The following ROBO3 variants were observed in gnomAD, a reference collection of about 807,000 sequenced individuals.
ROBO3 encodes roundabout guidance receptor 3.
ROBO3 carries 97 observed loss-of-function variants against 160.5 expected under a neutral mutation model. The observed-to-expected ratio is 0.60, with a 90% CI of 0.51 to 0.72. ROBO3 has a LOEUF of 0.72. ROBO3 is among the 30% of genes least tolerant of loss of function. The pLI, the probability that ROBO3 is intolerant of heterozygous loss-of-function variation, is 0.00. For synonymous variants in ROBO3, 780 were observed against 746.2 expected, an observed-to-expected ratio of 1.05 and a Z score of -0.74; for missense variants, 1,858 against 1,846.5, an observed-to-expected ratio of 1.01 and a Z score of -0.11.
chr11:124,878,367 C>T lies in ROBO3; in HGVS notation c.3251C>T (p.Ala1084Val), dbSNP rs779764331. The stretch of plus-strand genomic sequence containing the variant: ...ATGCCCTCTCTGAACTGGCCAGAAG[C>T]CCTGCCCCCACCTCCTCCTTCTTGT... ...VQMPSLNWPE[A>V]LPPPPPSCEL... The change falls in exon 22 of 28, where the codon GCC (alanine) becomes GTC (valine). Residue 1084 changes from alanine (A) to valine (V), a missense_variant. Coordinates refer to ENST00000397801, the MANE Select transcript of ROBO3 (RefSeq NM_022370.4). The surrounding 1 kb of genome is among the most constrained non-coding windows in gnomAD (Gnocchi z 4.3). 2 of 1,613,954 alleles carry T rather than the reference C, an allele frequency of 1.2e-6. No homozygotes were observed. The highest frequency in any genetic ancestry group is 3.3e-5 in the Admixed American group (2 of 60,028).
At chr11:124,874,317 G>A (rs535985494) in intron 12 of ROBO3, 81 bp downstream of exon 12, 29 of 1,315,604 alleles carry the variant, frequency 2.2e-5, no homozygotes, top group East Asian at 9.7e-5. Flanking sequence ...ATGACACCAC[G>A]GCAGTTCATA....
In ROBO3 at chr11:124,879,326, G is replaced by C; in HGVS notation, c.3670G>C (p.Ala1224Pro). 6.2e-7 allele frequency: 1 copy of C among 1,608,984 alleles called. No homozygotes were observed. The highest frequency in any genetic ancestry group is 8.5e-7 in the Non-Finnish European group (1 of 1,177,122). The change falls in exon 24 of 28, where the codon GCC becomes CCC. Residue 1224 changes from alanine (A) to proline (P), a missense_variant. Physicochemically the swap from Ala to Pro is conservative, Grantham distance 27. Coordinates refer to ENST00000397801, the MANE Select transcript of ROBO3 (RefSeq NM_022370.4). The part of the protein sequence containing the change: ...HLSPSPAPST[A>P]SSAPGRTWQG... ...CAGCCCCAGTCCTGCCCCTAGCACA[G>C]CCAGCAGTGCCCCAGGTAAGTCTCT...
chr11:124,870,578 G>A, intron 5 of ROBO3, 23 bp from the exon 6 acceptor site: 1 of 1,613,614 alleles, frequency 6.2e-7, no homozygotes, highest in Non-Finnish European at 8.5e-7. Flanking sequence ...GGCCAACCCA[G>A]CCTGGGGTGG....
chr11:124,865,587 T>C lies in ROBO3; in HGVS notation c.10T>C (p.Tyr4His), dbSNP rs1364107654. 1 of 1,611,916 alleles carries C rather than the reference T, an allele frequency of 6.2e-7. No individual in the cohort carries two copies. The highest frequency in any genetic ancestry group is 2.2e-5 in the East Asian group (1 of 44,842). The stretch of plus-strand genomic sequence containing the variant: ...CCAGCTGGGTCGAGCCATGCTGCGC[T>C]ACCTGCTGAAAACGCTGCTGCAGAT... MLR[Y>H]LLKTLLQMNL... The change falls in exon 1 of 28, where the codon TAC becomes CAC. Residue 4 changes from tyrosine (Y) to histidine (H), a missense_variant. By Grantham distance (83) the Tyr-to-His change is moderately conservative (BLOSUM62 2). Coordinates refer to ENST00000397801, the MANE Select transcript of ROBO3 (RefSeq NM_022370.4). This position sits in a 1 kb window ranked among gnomAD's most constrained non-coding sequence, Gnocchi z 5.5.
intron 14 of ROBO3, 59 bp downstream of exon 14, chr11:124,875,395 G>A (rs754741235): frequency 1.5e-5 from 21 of 1,435,746 alleles, no homozygotes; most frequent in Non-Finnish European, 2.0e-5. Flanking sequence ...GGGGGTGGAG[G>A]TGGAGGGGGG....
chr11:124,876,322 G>A lies in ROBO3; in HGVS notation c.2641G>A (p.Ala881Thr). Reference protein sequence around the residue: ...EPGLEVGAGLAVRLARVLREP... With the variant: ...EPGLEVGAGLTVRLARVLREP... ...CGGGCTGGAGGTGGGCGCGGGGCTG[G>A]CGGTGCGGCTGGCGAGGGTGCTGCG... is the stretch of plus-strand genomic sequence containing the variant. Residue 881 changes from alanine to threonine, a missense_variant, in exon 17 of 28, where the codon GCG (alanine) becomes ACG (threonine). Transcript: ENST00000397801. The surrounding 1 kb of genome is among the most constrained non-coding windows in gnomAD (Gnocchi z 5.3). 6.9e-7 allele frequency: 1 copy of A among 1,444,650 alleles called. No homozygotes were observed. The highest frequency in any genetic ancestry group is 1.5e-5 in the South Asian group (1 of 67,368). 89.5% of individuals were successfully genotyped at this position (1,444,650 alleles called of 1,614,324 possible). A position where few individuals can be genotyped will look rare whatever the true frequency, so the allele number is the denominator to read the frequency against.
In ROBO3 at chr11:124,872,816, G is replaced by T; in HGVS notation, c.1331-68G>T. 1 of 1,324,518 alleles carries T rather than the reference G, an allele frequency of 7.5e-7. No individual in the cohort carries two copies. 82.0% of individuals were successfully genotyped at this position (1,324,518 alleles called of 1,614,324 possible). A position where few individuals can be genotyped will look rare whatever the true frequency, so the allele number is the denominator to read the frequency against. ...TAGGGAGGGTGAAGGAGCAGAGAAT[G>T]AGGACAAGGGGCTGCCCGCGGGGCC... is the stretch of plus-strand genomic sequence containing the variant. On this transcript the variant is annotated intron_variant, in intron 8 of 27. Coordinates refer to ENST00000397801, the MANE Select transcript of ROBO3 (RefSeq NM_022370.4). The surrounding 1 kb of genome is among the most constrained non-coding windows in gnomAD (Gnocchi z 4.3).
At position 124,879,471 on chromosome 11, in the gene ROBO3, C is replaced by A. The variant is rs755651724; in HGVS notation, c.3692C>A (p.Thr1231Asn). The A allele has an allele frequency of 6.2e-7, 1 of 1,613,748 alleles. No homozygotes were observed. Among genetic ancestry groups the A allele is most frequent in the South Asian group, 1.1e-5 (1 of 91,036 alleles). The change falls in exon 25 of 28, where the codon ACC becomes AAC. Residue 1231 changes from threonine to asparagine, a missense_variant. Physicochemically the swap from Thr to Asn is moderately conservative, Grantham distance 65 (BLOSUM62 0). Transcript: ENST00000397801. Reference protein sequence around the residue: ...PSTASSAPGRTWQGNGEMTPP... With the variant: ...PSTASSAPGRNWQGNGEMTPP... ...CCGTCTCCTAACACTGCAGGCAGAA[C>A]CTGGCAGGGGAATGGGGAGATGACT...
At chr11:124,870,371 C>G in intron 5 of ROBO3, 68 bp downstream of exon 5, 1 of 1,548,658 alleles carries the variant, frequency 6.5e-7, no homozygotes, top group East Asian at 2.4e-5. Context: ...CCTAGAAAAC[C>G]GGAAGACAGG....
At chr11:124,879,722 C>T (rs966229753) in intron 25 of ROBO3, 65 bp from the exon 26 acceptor site, 22 of 1,598,748 alleles carry the variant, frequency 1.4e-5, no homozygotes, top group African/African-American at 2.7e-5. Context: ...CCAGGGAATG[C>T]AGGTGAGAGA....
intron 19 of ROBO3, 63 bp downstream of exon 19, chr11:124,877,372 C>T (rs1229910654): frequency 1.2e-6 from 2 of 1,603,540 alleles, no homozygotes; most frequent in South Asian, 1.1e-5. Flanking sequence ...TCTTCCGCCC[C>T]GCTGACGCCC....
At chr11:124,867,659 G>A (rs953496834) in intron 1 of ROBO3, among the ~76,000 whole-genome samples, 1 of 152,152 alleles carries the variant, frequency 6.6e-6, no homozygotes, top group African/African-American at 2.4e-5. Flanking sequence ...GCGCCAGCAC[G>A]GGTCAGCCTG....
rs756400173 is a variant in ROBO3 at position 124,873,000 on chromosome 11, C to T, written c.1447C>T (p.Arg483Ter). 7 of 1,613,842 alleles carry T rather than the reference C, an allele frequency of 4.3e-6. No homozygotes were observed. Among genetic ancestry groups the T allele is most frequent in the South Asian group, 1.1e-5 (1 of 91,078 alleles). The change falls in exon 9 of 28, where the codon CGA (arginine) becomes TGA (stop). Residue 483 changes from arginine to a stop codon, truncating the protein, a stop_gained. Transcript: ENST00000397801. LOFTEE classifies it high-confidence loss of function. This position sits in a 1 kb window ranked among gnomAD's most constrained non-coding sequence, Gnocchi z 4.3. ...RVTGNPQPSVRWKKDGQWLQG... is the reference protein window; with the variant it reads ...RVTGNPQPSV ...GACTGGGAACCCTCAACCCAGTGTC[C>T]GATGGAAGAAGGATGGGCAGTGGCT...
At chr11:124,875,867 G>A (rs888268510) in intron 15 of ROBO3, 87 bp from the exon 16 acceptor site, 1 of 1,496,588 alleles carries the variant, frequency 6.7e-7, no homozygotes, top group African/African-American at 1.4e-5. Context: ...ATCTGTATAA[G>A]GCTTCTCTAC....
Position 124,873,874 on chromosome 11 carries a change from G to A in ROBO3, c.1784+12G>A. On this transcript the variant is annotated intron_variant, in intron 11 of 27. Transcript: ENST00000397801. This position sits in a 1 kb window ranked among gnomAD's most constrained non-coding sequence, Gnocchi z 4.5. ...ATAGAGGCCTTCAGGTATGGAGAAA[G>A]TTTTGAATGCAAACCTGGAGAGTTA... 3 of 1,612,120 alleles carry A rather than the reference G, an allele frequency of 1.9e-6. No homozygotes were observed. Among genetic ancestry groups the A allele is most frequent in the South Asian group, 1.1e-5 (1 of 90,808 alleles).
Position 124,876,785 on chromosome 11 carries a change from C to A in ROBO3, c.2779+325C>A. 1 of 478,318 alleles carries A rather than the reference C, an allele frequency of 2.1e-6. No homozygotes were observed. Among genetic ancestry groups the A allele is most frequent in the Non-Finnish European group, 3.7e-6 (1 of 269,628 alleles). The allele number at this position is 478,318 out of a possible 1,614,324, so 29.6% of individuals were successfully genotyped here. A position where few individuals can be genotyped will look rare whatever the true frequency, so the allele number is the denominator to read the frequency against. On this transcript the variant is annotated intron_variant, in intron 17 of 27. Transcript: ENST00000397801. This position sits in a 1 kb window ranked among gnomAD's most constrained non-coding sequence, Gnocchi z 5.3. The stretch of plus-strand genomic sequence containing the variant: ...CCACTCAAAGGGCGGGGGGCGGGGC[C>A]TGGCAAGAGGGGGTGTGGCCAGGAT...
At chr11:124,868,207 A>G (rs1221034815) in intron 1 of ROBO3, among the ~76,000 whole-genome samples, 5 of 152,176 alleles carry the variant, frequency 3.3e-5, no homozygotes, top group Admixed American at 2.6e-4. Flanking sequence ...GGGTGTCAGT[A>G]AGAAGGGCCC....
chr11:124,880,442 G>C lies in ROBO3; in HGVS notation c.3983G>C (p.Arg1328Thr). Residue 1328 changes from arginine to threonine, a missense_variant, in exon 27 of 28, where the codon AGA becomes ACA. Physicochemically the swap from Arg to Thr is moderately conservative, Grantham distance 71. Transcript: ENST00000397801. ...GAAGAGGCCTGGCTCCCATACAGCA[G>C]ACCAAGCTTCCTGTCCCGGGGCCAG... ...PDEEAWLPYS[R>T]PSFLSRGQGT... 4.3e-6 allele frequency: 7 copies of C among 1,613,156 alleles called. No individual in the cohort carries two copies. The highest frequency in any genetic ancestry group is 5.9e-6 in the Non-Finnish European group (7 of 1,179,592).
chr11:124,875,852 A>G (rs754941701), intron 15 of ROBO3, 102 bp from the exon 16 acceptor site: 131 of 1,473,382 alleles, frequency 8.9e-5, no homozygotes, highest in South Asian at 1.2e-4. Context: ...TCCAGGTTGA[A>G]TTACATCTGT....
Sources: allele counts gnomAD v4.1 joint callset (sites outside exome capture counted in the v4.1 genomes callset), GRCh38; gene constraint gnomAD v4.1.1; non-coding constraint Gnocchi (gnomAD v3.1); transcripts MANE v1.5; gene names NCBI Gene and HGNC (gene_info 2026-07-23, HGNC 2026-07-21).